Variants in TRAPPC9 observed in about 807,000 individuals in gnomAD.
TRAPPC9 encodes the protein IKK2 binding protein.
In TRAPPC9, 83 loss-of-function variants were observed where a neutral mutation model predicts 124.0. The ratio of observed to expected loss-of-function variants is 0.67; its 90% CI spans 0.56 to 0.80. TRAPPC9 has a LOEUF of 0.80. Among genes scored for constraint, TRAPPC9 ranks in the 30% least tolerant of loss-of-function variants. The pLI is 0.00. For missense variants in TRAPPC9, 1,302 were observed against 1,508.3 expected (o/e 0.86, Z 2.27); for synonymous variants, 638 against 617.5 (o/e 1.03, Z -0.49).
intron 21 of TRAPPC9, among the ~76,000 whole-genome samples, chr8:139,771,510 G>A (rs923239244): frequency 2.6e-5 from 4 of 152,128 alleles, no homozygotes; most frequent in African/African-American, 9.7e-5. Flanking sequence ...TCTGAAATAG[G>A]GGCCTTGGGG....
At chr8:140,418,738 A>ATAGT (rs2070039517) in intron 5 of TRAPPC9, among the ~76,000 whole-genome samples, 1 of 144,476 alleles carries the variant, frequency 6.9e-6, no homozygotes, top group Non-Finnish European at 1.5e-5. Flanking sequence ...AGATAGATAG[A>ATAGT]TAGATAGATA....
chr8:140,325,477 T>C (rs987898829), intron 9 of TRAPPC9, among the ~76,000 whole-genome samples: 14 of 152,180 alleles, frequency 9.2e-5, no homozygotes, highest in African/African-American at 2.9e-4. Flanking sequence ...ATTAAGAGGA[T>C]AATAAGGGAA....
chr8:139,829,417 C>T (rs145325405), intron 21 of TRAPPC9, among the ~76,000 whole-genome samples: 17 of 152,382 alleles, frequency 1.1e-4, no homozygotes, highest in Admixed American at 2.0e-4. Context: ...CCTTGTGACC[C>T]GTTCCCGTTC....
rs566584774 is a variant in TRAPPC9, at chr8:140,429,812, TA to T, written c.860-3172del. The stretch of plus-strand genomic sequence containing the variant: ...AGAGTGAGACTCTATCTCAAAAAAA[TA>T]AAAATAAATAAAATGTGTGTAGCAC... On this transcript the variant is annotated intron_variant, in intron 4 of 22. Transcript: ENST00000438773. 1.7e-4 allele frequency among the ~76,000 whole-genome samples: 24 copies of T among 140,586 alleles called. No homozygotes were observed. The East Asian group carries it at 5.1e-3, about 30-fold the overall frequency. The allele number at this position is 140,586 out of a possible 152,430, so 92.2% of individuals were successfully genotyped here.
chr8:139,858,804 G>A (rs139984133), intron 21 of TRAPPC9, among the ~76,000 whole-genome samples: 61 of 150,256 alleles, frequency 4.1e-4, no homozygotes, highest in African/African-American at 1.2e-3. Flanking sequence ...AGTAGCCACT[G>A]CGACCGGGAC....
At chr8:140,328,115 C>T (rs910772239) in intron 9 of TRAPPC9, among the ~76,000 whole-genome samples, 7 of 151,960 alleles carry the variant, frequency 4.6e-5, no homozygotes, top group African/African-American at 7.3e-5. Context: ...ATTAGCTGGG[C>T]ATTGTGGTGG....
At chr8:139,926,483 C>A (rs1832823007) in intron 19 of TRAPPC9, among the ~76,000 whole-genome samples, 1 of 151,950 alleles carries the variant, frequency 6.6e-6, no homozygotes, top group Non-Finnish European at 1.5e-5. Context: ...TAACCAGACT[C>A]CCGTGACAAA....
chr8:139,787,526 C>T (rs933791205), intron 21 of TRAPPC9, among the ~76,000 whole-genome samples: 4 of 152,158 alleles, frequency 2.6e-5, no homozygotes, highest in Non-Finnish European at 5.9e-5. Flanking sequence ...TGCCCCGACC[C>T]TGCAGACGCT....
chr8:140,338,930 G>A (rs1412543207), intron 9 of TRAPPC9, among the ~76,000 whole-genome samples: 4 of 87,980 alleles, frequency 4.5e-5, no homozygotes, highest in African/African-American at 1.1e-4. Flanking sequence ...ACAGGCCGAC[G>A]GGAAACGGCT....
At chr8:139,843,598 T>C (rs1214207944) in intron 21 of TRAPPC9, among the ~76,000 whole-genome samples, 1 of 152,054 alleles carries the variant, frequency 6.6e-6, no homozygotes, top group African/African-American at 2.4e-5. Context: ...ATCACCAGGG[T>C]CCTTAAAAGT....
chr8:140,424,669 A>T (rs529167497), intron 5 of TRAPPC9, among the ~76,000 whole-genome samples: 1 of 151,914 alleles, frequency 6.6e-6, no homozygotes, highest in Non-Finnish European at 1.5e-5. Context: ...AAAGAAATGA[A>T]AGAAAAAAAC....
intron 16 of TRAPPC9, 24 bp from the exon 17 acceptor site, chr8:140,221,607 T>C (rs773437066): frequency 4.3e-6 from 7 of 1,609,480 alleles, no homozygotes; most frequent in Non-Finnish European, 5.9e-6. Context: ...ACAAAAATCA[T>C]AAGTAACACG....
At chr8:140,154,169 C>T (rs1006090473) in intron 17 of TRAPPC9, among the ~76,000 whole-genome samples, 4 of 152,148 alleles carry the variant, frequency 2.6e-5, no homozygotes, top group Non-Finnish European at 4.4e-5. Context: ...TCCTTTCCCA[C>T]GTGCCCTAGC....
At chr8:139,920,384 T>C (rs1832434839) in intron 19 of TRAPPC9, among the ~76,000 whole-genome samples, 1 of 152,228 alleles carries the variant, frequency 6.6e-6, no homozygotes, top group Non-Finnish European at 1.5e-5. Context: ...TCTTTACCAC[T>C]TTTCTGCTAT....
intron 18 of TRAPPC9, among the ~76,000 whole-genome samples, chr8:140,018,891 G>C (rs1468919778): frequency 2.0e-5 from 3 of 151,814 alleles, no homozygotes; most frequent in African/African-American, 7.3e-5. Flanking sequence ...GTTATTCTTA[G>C]AGAAAAAGTC....
At chr8:140,090,932 G>A (rs1032133923) in intron 17 of TRAPPC9, among the ~76,000 whole-genome samples, 2 of 152,232 alleles carry the variant, frequency 1.3e-5, no homozygotes, top group African/African-American at 4.8e-5. Context: ...CCGGACTGGT[G>A]TGACCCTGCT....
intron 17 of TRAPPC9, among the ~76,000 whole-genome samples, chr8:140,178,728 C>T (rs548821393): frequency 6.6e-6 from 1 of 152,046 alleles, no homozygotes; most frequent in Non-Finnish European, 1.5e-5. Context: ...TAAAATTTAC[C>T]AGTGAAATTC....
At position 139,962,252 on chromosome 8, in the gene TRAPPC9, C is replaced by T. The variant is rs934802331; in HGVS notation, c.2810+26474G>A. On this transcript the variant is annotated intron_variant, in intron 19 of 22. Transcript: ENST00000438773. Reference sequence around the variant, plus strand: ...AGGCACCACTGGCCGCAGAGATTTCCGGGAAGAAAATCGGCACTCCAAAGA... The same window carrying T: ...AGGCACCACTGGCCGCAGAGATTTCTGGGAAGAAAATCGGCACTCCAAAGA... 2.4e-5 allele frequency among the ~76,000 whole-genome samples: 3 copies of T among 124,368 alleles called. 1 individual carries two copies. The highest frequency in any genetic ancestry group is 5.7e-5 in the Non-Finnish European group (3 of 52,298). 81.6% of individuals were successfully genotyped at this position (124,368 alleles called of 152,430 possible).
At chr8:140,360,681 G>A (rs901792786) in intron 8 of TRAPPC9, among the ~76,000 whole-genome samples, 4 of 152,130 alleles carry the variant, frequency 2.6e-5, no homozygotes, top group African/African-American at 7.2e-5. Flanking sequence ...CTCCAAAACA[G>A]TTTAGCATCT....
Sources: allele counts gnomAD v4.1 joint callset (sites outside exome capture counted in the v4.1 genomes callset), GRCh38; gene constraint gnomAD v4.1.1; transcripts MANE v1.5; gene names NCBI Gene and HGNC (gene_info 2026-07-23, HGNC 2026-07-21).